The following CDYL variants were observed in gnomAD, a reference collection of about 807,000 sequenced individuals.
CDYL encodes chromodomain Y-like protein.
In CDYL, 8 loss-of-function variants were observed where a neutral mutation model predicts 47.3. That is an observed-to-expected ratio of 0.17 (90% CI 0.10 to 0.31). The LOEUF is 0.31. Ranked by LOEUF, CDYL falls within the 10% of genes least tolerant of loss-of-function variation. The pLI is 1.00. For synonymous variants in CDYL, 266 were observed against 265.0 expected (o/e 1.00, Z -0.04); for missense variants, 471 against 701.4 (o/e 0.67, Z 3.71).
intron 1 of CDYL, chr6:4,714,150 T>C (rs1001469552): frequency 6.6e-6 from 1 of 151,582 alleles, no homozygotes; most frequent in African/African-American, 2.4e-5. Flanking sequence ...GGGGCCAGGA[T>C]CAAACCCACG....
At chr6:4,804,470 TACGACC>T (rs928545585) in intron 1 of CDYL, among the ~76,000 whole-genome samples, 2 of 152,214 alleles carry the variant, frequency 1.3e-5, no homozygotes, top group African/African-American at 4.8e-5. Context: ...ACCTTTGTCT[TACGACC>T]GCATCTCCAG....
chr6:4,719,511 C>T (rs1481575791), intron 2 of CDYL, among the ~76,000 whole-genome samples: 1 of 152,134 alleles, frequency 6.6e-6, no homozygotes, highest in Non-Finnish European at 1.5e-5. Context: ...CCTAAGCTGC[C>T]TACTAGCTGC....
At chr6:4,890,002 G>A in intron 1 of CDYL, 1 of 985,454 alleles carries the variant, frequency 1.0e-6, no homozygotes, top group Non-Finnish European at 1.2e-6. Context: ...GGTTAAGGAG[G>A]GAGGGGAAAC....
chr6:4,944,087 A>G (rs1464122179), intron 5 of CDYL, among the ~76,000 whole-genome samples: 3 of 152,220 alleles, frequency 2.0e-5, no homozygotes, highest in Non-Finnish European at 2.9e-5. Context: ...AGAGAAGGCA[A>G]TTTTAAGAGG....
rs985994885 is a variant in CDYL, at chr6:4,891,968, A to G, written c.280A>G (p.Thr94Ala). The change falls in exon 2 of 7, where the codon ACC (threonine) becomes GCC (alanine). Residue 94 changes from threonine to alanine, a missense_variant. Physicochemically the swap from Thr to Ala is moderately conservative, Grantham distance 58. Coordinates refer to ENST00000397588, the MANE Select transcript of CDYL (RefSeq NM_004824.4). ...SRSTNSNFSKTSPKALVIGKD... is the reference protein window; with the variant it reads ...SRSTNSNFSKASPKALVIGKD... ...ATCCACCAACAGCAACTTTTCTAAG[A>G]CCTCTCCTAAGGCACTCGTGATTGG... 6.2e-7 allele frequency: 1 copy of G among 1,614,106 alleles called. No individual in the cohort carries two copies. Among genetic ancestry groups the G allele is most frequent in the African/African-American group, 1.3e-5 (1 of 75,014 alleles).
At chr6:4,860,518 A>G (rs1761135369) in intron 1 of CDYL, among the ~76,000 whole-genome samples, 1 of 147,680 alleles carries the variant, frequency 6.8e-6, no homozygotes, top group South Asian at 2.1e-4. Flanking sequence ...TAAAAAATAT[A>G]TATATAATGT....
chr6:4,752,787 C>G (rs1758015705), intron 3 of CDYL, among the ~76,000 whole-genome samples: 1 of 151,898 alleles, frequency 6.6e-6, no homozygotes, highest in Non-Finnish European at 1.5e-5. Context: ...AAATTAGACA[C>G]CCTGGGAGCT....
At position 4,892,482 on chromosome 6, in the gene CDYL, C is replaced by G. The variant is rs546892751; in HGVS notation, c.691+103C>G. ...GCTGGGCAGAGTCCGGGGCTTCTCA[C>G]GGCATCTGCTGGAGCCTTGCAGAGA... is the stretch of plus-strand genomic sequence containing the variant. On this transcript the variant is annotated intron_variant, in intron 2 of 6. Coordinates refer to ENST00000397588, the MANE Select transcript of CDYL (RefSeq NM_004824.4). 1.4e-5 allele frequency: 17 copies of G among 1,216,204 alleles called. No homozygotes were observed. The African/African-American group carries it at 2.6e-4, about 18-fold the overall frequency. 75.3% of individuals were successfully genotyped at this position (1,216,204 alleles called of 1,614,324 possible). A position where few individuals can be genotyped will look rare whatever the true frequency, so the allele number is the denominator to read the frequency against.
intron 4 of CDYL, among the ~76,000 whole-genome samples, chr6:4,940,055 G>A (rs9502254): frequency 0.11 from 16,808 of 152,138 alleles, 1,026 homozygotes; most frequent in Non-Finnish European, 0.13. Flanking sequence ...GGCTTGTGGC[G>A]CTGGGATCAG....
intron 1 of CDYL, among the ~76,000 whole-genome samples, chr6:4,876,136 T>TTTG (rs1221065828): frequency 1.3e-5 from 2 of 152,064 alleles, no homozygotes; most frequent in Non-Finnish European, 2.9e-5. Flanking sequence ...ACCCTTGTTG[T>TTTG]TTGTTGTTGT....
chr6:4,779,048 A>G (rs574105551), intron 1 of CDYL, among the ~76,000 whole-genome samples: 4 of 152,218 alleles, frequency 2.6e-5, no homozygotes, highest in Non-Finnish European at 4.4e-5. Context: ...GTAAGTGATG[A>G]TGATTGTATG....
intron 2 of CDYL, chr6:4,724,716 C>A (rs137869290): frequency 6.6e-6 from 1 of 152,316 alleles, no homozygotes; most frequent in African/African-American, 2.4e-5. Flanking sequence ...TCGTTCCTCT[C>A]GTTGGGTTCG....
At chr6:4,939,022 A>G (rs1392375055) in intron 4 of CDYL, among the ~76,000 whole-genome samples, 1 of 152,166 alleles carries the variant, frequency 6.6e-6, no homozygotes, top group Non-Finnish European at 1.5e-5. Context: ...CCCTAAAATG[A>G]CATATCCCCA....
intron 1 of CDYL, among the ~76,000 whole-genome samples, chr6:4,812,719 G>A (rs1024185668): frequency 6.6e-6 from 1 of 151,884 alleles, no homozygotes; most frequent in African/African-American, 2.4e-5. Context: ...TTCTAGTAGG[G>A]ATTTTTTTTT....
chr6:4,834,866 C>T (rs1361925356), intron 1 of CDYL, among the ~76,000 whole-genome samples: 2 of 152,132 alleles, frequency 1.3e-5, no homozygotes, highest in Non-Finnish European at 2.9e-5. Context: ...TTGATCACAT[C>T]GGCTCCTGAG....
At chr6:4,828,929 G>T (rs554315036) in intron 1 of CDYL, among the ~76,000 whole-genome samples, 2 of 151,928 alleles carry the variant, frequency 1.3e-5, no homozygotes, top group Non-Finnish European at 2.9e-5. Context: ...AATTATGTAC[G>T]TTTCAGCTCC....
At position 4,903,398 on chromosome 6, in the gene CDYL, A is replaced by C. The variant is rs149399599; in HGVS notation, c.691+11019A>C. Among the ~76,000 whole-genome samples, 96 of 152,320 alleles carry C rather than the reference A, an allele frequency of 6.3e-4. 1 individual carries two copies. Among genetic ancestry groups the C allele is most frequent in the African/African-American group, 2.2e-3 (93 of 41,568 alleles). ...ACCTGCCACATGGTAGGCGGCCACT[A>C]AACTGTGGAGTGGATGAAAGCATTT... On this transcript the variant is annotated intron_variant, in intron 2 of 6. Transcript: ENST00000397588.
At chr6:4,950,541 C>G (rs1190836400) in intron 5 of CDYL, among the ~76,000 whole-genome samples, 2 of 152,214 alleles carry the variant, frequency 1.3e-5, no homozygotes, top group Non-Finnish European at 2.9e-5. Flanking sequence ...GAACCACTCA[C>G]AGTAAGGTCG....
chr6:4,769,201 A>G (rs1215180336), intron 3 of CDYL, among the ~76,000 whole-genome samples: 4 of 152,224 alleles, frequency 2.6e-5, no homozygotes, highest in African/African-American at 7.2e-5. Flanking sequence ...ATAATACTGT[A>G]TCAATATTGG....
Sources: gnomAD v4.1 joint callset for allele counts (sites outside exome capture counted in the v4.1 genomes callset) on GRCh38, gnomAD v4.1.1 for gene constraint, MANE v1.5 for transcripts, NCBI Gene and HGNC (gene_info 2026-07-23, HGNC 2026-07-21) for gene names.